MERTK: variants seen among roughly 807,000 people sequenced by gnomAD.
MERTK encodes the protein MER proto-oncogene, tyrosine kinase, also known as tyrosine-protein kinase Mer.
A neutral mutation model predicts 99.3 loss-of-function variants in MERTK; 69 were observed. That is an observed-to-expected ratio of 0.70 (90% confidence interval 0.57 to 0.85). MERTK has a LOEUF of 0.85. MERTK is among the 40% of genes least tolerant of loss of function. The pLI is 0.00. For missense variants in MERTK, 1,125 were observed against 1,249.4 expected (o/e 0.90, Z 1.50); for synonymous variants, 426 against 467.6 (o/e 0.91, Z 1.15).
At chr2:112,003,441 G>C in intron 12 of MERTK, 3 of 369,138 alleles carry the variant, frequency 8.1e-6, no homozygotes, top group South Asian at 6.3e-5. Context: ...TCATTGAAAA[G>C]CATGTAATTC....
In MERTK at chr2:111,912,623, C is replaced by T. The variant is rs147693406; in HGVS notation, c.61+13827C>T. On this transcript the variant is annotated intron_variant, in intron 1 of 18. Coordinates refer to ENST00000295408, the MANE Select transcript of MERTK (RefSeq NM_006343.3). ...TGCACATCTTATAGGCAGGTTATTG[C>T]CATGGGAGATCTGGACTAAGATATT... Among the ~76,000 whole-genome samples, 173 of 152,228 alleles carry T rather than the reference C, an allele frequency of 1.1e-3. 3 individuals are homozygous for T. The East Asian group carries it at 0.033, about 29-fold the overall frequency.
chr2:111,932,983 T>C (rs1397069621), intron 2 of MERTK, among the ~76,000 whole-genome samples: 1 of 152,252 alleles, frequency 6.6e-6, no homozygotes, highest in Non-Finnish European at 1.5e-5. Context: ...ATGCTGACCT[T>C]AGCCATTAGG....
At chr2:111,989,602 G>T in intron 8 of MERTK, among the ~76,000 whole-genome samples, 1 of 152,024 alleles carries the variant, frequency 6.6e-6, no homozygotes, top group East Asian at 1.9e-4. Flanking sequence ...TGATCCACCC[G>T]CCTCGGCCTC....
intron 4 of MERTK, among the ~76,000 whole-genome samples, chr2:111,951,024 G>A (rs1056991123): frequency 4.0e-5 from 6 of 151,664 alleles, no homozygotes. Flanking sequence ...GGAATTGTAT[G>A]TACTTAAGGT....
intron 6 of MERTK, 21 bp downstream of exon 6, chr2:111,968,273 G>A: frequency 6.3e-7 from 1 of 1,578,372 alleles, no homozygotes; most frequent in African/African-American, 1.3e-5. Flanking sequence ...AGGGTGAAGA[G>A]GGAAGTAGCT....
At chr2:111,949,663 A>G (rs1685021210) in intron 4 of MERTK, among the ~76,000 whole-genome samples, 1 of 152,206 alleles carries the variant, frequency 6.6e-6, no homozygotes, top group African/African-American at 2.4e-5. Flanking sequence ...TCCTAAGTGT[A>G]GACACCCATG....
intron 1 of MERTK, among the ~76,000 whole-genome samples, chr2:111,925,030 A>G (rs907517163): frequency 6.6e-6 from 1 of 151,832 alleles, no homozygotes; most frequent in Non-Finnish European, 1.5e-5. Flanking sequence ...GGTGCTAACT[A>G]TAGGAGGTTA....
chr2:111,956,933 T>TTTTTTTC (rs1356880110), intron 4 of MERTK, among the ~76,000 whole-genome samples: 2 of 149,192 alleles, frequency 1.3e-5, no homozygotes, highest in Non-Finnish European at 3.0e-5. Flanking sequence ...ACCTGCCTTC[T>TTTTTTTC]TTTTTTCTTT....
At chr2:111,912,537 G>A (rs1160783229) in intron 1 of MERTK, among the ~76,000 whole-genome samples, 1 of 152,116 alleles carries the variant, frequency 6.6e-6, no homozygotes, top group Admixed American at 6.6e-5. Flanking sequence ...GTGAGTCTAG[G>A]AGTGGAAACA....
chr2:112,028,459 G>C lies in MERTK; in HGVS notation c.2595G>C (p.Arg865=). The stretch of plus-strand genomic sequence containing the variant: ...TCTTAGAAAGTTTGCCTGACGTTCG[G>C]AACCAAGCAGACGTTATTTACGTCA... ...EKLLESLPDV[R]NQADVIYVNT... is the part of the protein sequence containing the mutation. Residue 865 remains arginine, a synonymous_variant, in exon 19 of 19, where the codon CGG becomes CGC. Transcript: ENST00000295408. 1 of 1,614,156 alleles carries C rather than the reference G, an allele frequency of 6.2e-7. No homozygotes were observed. Among genetic ancestry groups the C allele is most frequent in the South Asian group, 1.1e-5 (1 of 91,090 alleles).
chr2:112,015,384 G>A (rs1449207043), intron 15 of MERTK, among the ~76,000 whole-genome samples: 1 of 152,138 alleles, frequency 6.6e-6, no homozygotes, highest in African/African-American at 2.4e-5. Flanking sequence ...GATTGATGTA[G>A]AGTGATATCT....
At chr2:111,900,706 T>G (rs1051009339) in intron 1 of MERTK, among the ~76,000 whole-genome samples, 2 of 152,194 alleles carry the variant, frequency 1.3e-5, no homozygotes, top group Non-Finnish European at 2.9e-5. Flanking sequence ...TTCTTGCACT[T>G]TTTGCTTTTG....
At chr2:112,005,295 C>G (rs546635941) in intron 13 of MERTK, among the ~76,000 whole-genome samples, 3 of 152,188 alleles carry the variant, frequency 2.0e-5, no homozygotes, top group Non-Finnish European at 2.9e-5. Flanking sequence ...TGGTTTCGAA[C>G]TCCTAACCTC....
At chr2:111,949,088 G>A (rs866402937) in intron 4 of MERTK, among the ~76,000 whole-genome samples, 10 of 151,510 alleles carry the variant, frequency 6.6e-5, no homozygotes, top group East Asian at 1.9e-4. Context: ...TTCTTCCATC[G>A]GCCCTTTGTC....
chr2:111,963,039 C>T (rs188486885), intron 4 of MERTK, among the ~76,000 whole-genome samples: 1 of 152,110 alleles, frequency 6.6e-6, no homozygotes, highest in South Asian at 2.1e-4. Flanking sequence ...GGGTGTTTCT[C>T]GGAGAGGGGG....
intron 7 of MERTK, among the ~76,000 whole-genome samples, 169 bp downstream of exon 7, chr2:111,975,641 T>C (rs1396117205): frequency 6.6e-6 from 1 of 152,244 alleles, no homozygotes; most frequent in Non-Finnish European, 1.5e-5. Context: ...TCCTCCATAC[T>C]GTAAAAGCAT....
intron 16 of MERTK, chr2:112,020,574 G>A (rs143328351): frequency 2.1e-6 from 1 of 470,834 alleles, no homozygotes; most frequent in Non-Finnish European, 4.4e-6. Context: ...TGCAGTTGTA[G>A]CCCTTTAATT....
chr2:111,923,164 A>G (rs1996328), intron 1 of MERTK, among the ~76,000 whole-genome samples: 94,032 of 152,028 alleles, frequency 0.62, 29,436 homozygotes, highest in Middle Eastern at 0.7. Context: ...AATCATCATG[A>G]TGGGTTCAGA....
chr2:111,922,940 C>T (rs919985783), intron 1 of MERTK, among the ~76,000 whole-genome samples: 6 of 152,168 alleles, frequency 3.9e-5, no homozygotes, highest in Non-Finnish European at 5.9e-5. Context: ...CCCTAATGAA[C>T]GAATTTTGAG....
Sources: gnomAD v4.1 joint callset for allele counts (sites outside exome capture counted in the v4.1 genomes callset) on GRCh38, gnomAD v4.1.1 for gene constraint, MANE v1.5 for transcripts, NCBI Gene and HGNC (gene_info 2026-07-23, HGNC 2026-07-21) for gene names.